Variants in PLEKHA7 observed in about 807,000 individuals in gnomAD.
The protein encoded by PLEKHA7 is pleckstrin homology domain containing A7, also known as pleckstrin homology domain-containing family A member 7.
Under a neutral mutation model 170.0 loss-of-function variants are expected in PLEKHA7, and 104 were observed. The ratio of observed to expected loss-of-function variants is 0.61; its 90% confidence interval spans 0.52 to 0.72. The LOEUF (loss-of-function observed/expected upper bound fraction) is 0.72. Ranked by LOEUF, PLEKHA7 falls within the 30% of genes least tolerant of loss-of-function variation. The probability of loss-of-function intolerance (pLI) is 0.00; values close to 1 mark genes in which losing one functional copy is unlikely to be tolerated. For synonymous variants in PLEKHA7, 648 were observed against 660.8 expected (o/e 0.98, Z 0.30); for missense variants, 1,615 against 1,671.7 (o/e 0.97, Z 0.59).
intron 3 of PLEKHA7, among the ~76,000 whole-genome samples, chr11:16,993,248 A>G (rs1402624586): frequency 6.6e-6 from 1 of 152,026 alleles, no homozygotes. Flanking sequence ...TAGGCCAAAA[A>G]GAAAAGTGAA....
chr11:16,836,314 C>T (rs1851508123), intron 9 of PLEKHA7, among the ~76,000 whole-genome samples: 1 of 152,196 alleles, frequency 6.6e-6, no homozygotes, highest in South Asian at 2.1e-4. Context: ...AGCCTTGAAC[C>T]CCATTGCTTC....
chr11:16,932,051 A>G (rs923936109), intron 3 of PLEKHA7, among the ~76,000 whole-genome samples: 40 of 152,080 alleles, frequency 2.6e-4, no homozygotes, highest in Non-Finnish European at 1.8e-4. Flanking sequence ...TATCACCTAT[A>G]AACTCCATGA....
Position 16,790,846 on chromosome 11 carries a change from G to A in PLEKHA7, c.3004C>T (p.Leu1002=), listed in dbSNP as rs1233278013. 1.9e-6 allele frequency: 3 copies of A among 1,610,014 alleles called. No homozygotes were observed. The highest frequency in any genetic ancestry group is 1.7e-6 in the Non-Finnish European group (2 of 1,178,398). The change falls in exon 21 of 27, where the codon CTA becomes TTA. Residue 1002 remains leucine (L), a synonymous_variant. Coordinates refer to ENST00000531066, the MANE Select transcript of PLEKHA7 (RefSeq NM_001329630.2). ...CTGCTCTCAGGGCCCACAAGTCCTA[G>A]GGAGGGCTGGGCCATGTCCCCGCTG... ...TLSGDMAQPS[L]GLVGPESRYQ...
intron 3 of PLEKHA7, among the ~76,000 whole-genome samples, chr11:16,966,290 ATGTGTGTGTGTGTGTG>A (rs112176840): frequency 1.3e-4 from 19 of 149,110 alleles, no homozygotes; most frequent in Non-Finnish European, 1.3e-4. Context: ...TTGTGCATGT[ATGTGTGTGTGTGTGTG>A]TGTGTGTGTG....
At chr11:16,780,950 T>C in intron 26 of PLEKHA7, 1 of 981,730 alleles carries the variant, frequency 1.0e-6, no homozygotes, top group Non-Finnish European at 1.2e-6. Context: ...ACTTGGAAGG[T>C]GTTAGACAAA....
At chr11:16,932,540 C>G (rs1256469233) in intron 3 of PLEKHA7, among the ~76,000 whole-genome samples, 1 of 152,160 alleles carries the variant, frequency 6.6e-6, no homozygotes, top group Non-Finnish European at 1.5e-5. Flanking sequence ...TTGCCTGGGC[C>G]TCCCAAAGTG....
At chr11:16,891,630 T>G (rs1239158976) in intron 3 of PLEKHA7, among the ~76,000 whole-genome samples, 1 of 152,202 alleles carries the variant, frequency 6.6e-6, no homozygotes, top group Non-Finnish European at 1.5e-5. Flanking sequence ...CAAGGGCCAC[T>G]AGGACCTTGG....
At chr11:16,914,246 C>A (rs1401046117) in intron 3 of PLEKHA7, among the ~76,000 whole-genome samples, 1 of 151,970 alleles carries the variant, frequency 6.6e-6, no homozygotes, top group Non-Finnish European at 1.5e-5. Context: ...TTTTTTCTTT[C>A]TTGATACTTT....
intron 3 of PLEKHA7, among the ~76,000 whole-genome samples, chr11:16,936,039 A>G (rs1860264316): frequency 6.6e-6 from 1 of 152,212 alleles, no homozygotes; most frequent in South Asian, 2.1e-4. Flanking sequence ...ACACTGAGCC[A>G]GGAGAACATC....
intron 3 of PLEKHA7, among the ~76,000 whole-genome samples, chr11:16,957,689 A>ATATTTTTCTTTTTTT (rs1420004461): frequency 8.5e-6 from 1 of 118,224 alleles, no homozygotes. Context: ...TACCTCAATA[A>ATATTTTTCTTTTTTT]TTTTTTTCTT....
chr11:16,786,433 G>C, intron 23 of PLEKHA7, 46 bp from the exon 24 acceptor site: 1 of 1,533,294 alleles, frequency 6.5e-7, no homozygotes, highest in Non-Finnish European at 8.7e-7. Flanking sequence ...CCTGATTGCT[G>C]AAAGAGCCCG....
At chr11:16,968,802 C>G (rs909513753) in intron 3 of PLEKHA7, among the ~76,000 whole-genome samples, 1 of 152,140 alleles carries the variant, frequency 6.6e-6, no homozygotes, top group Non-Finnish European at 1.5e-5. Context: ...TTTCACATCC[C>G]CCACTTAACA....
chr11:16,924,756 G>C (rs564707105), intron 3 of PLEKHA7, among the ~76,000 whole-genome samples: 7 of 152,156 alleles, frequency 4.6e-5, no homozygotes, highest in East Asian at 3.9e-4. Flanking sequence ...AAAAGAAAGG[G>C]GGAGGCCTGC....
chr11:16,829,029 G>A (rs535008753), intron 9 of PLEKHA7, among the ~76,000 whole-genome samples: 89 of 150,790 alleles, frequency 5.9e-4, no homozygotes, highest in African/African-American at 1.7e-3. Flanking sequence ...TTTTCACAGC[G>A]TCTTGCTCTC....
At chr11:16,971,756 C>A (rs137888559) in intron 3 of PLEKHA7, among the ~76,000 whole-genome samples, 1 of 151,864 alleles carries the variant, frequency 6.6e-6, no homozygotes, top group African/African-American at 2.4e-5. Flanking sequence ...TTTTAAATAT[C>A]TTTTTTTATT....
chr11:16,783,601 A>C, intron 25 of PLEKHA7, 99 bp downstream of exon 25: 1 of 1,280,682 alleles, frequency 7.8e-7, no homozygotes, highest in South Asian at 2.3e-5. Flanking sequence ...AAGACCTGGC[A>C]AAACACGCAC....
At chr11:16,797,301 TG>T (rs1249383454) in intron 17 of PLEKHA7, among the ~76,000 whole-genome samples, 6 of 152,084 alleles carry the variant, frequency 3.9e-5, no homozygotes, top group African/African-American at 1.4e-4. Flanking sequence ...TCCCACCCCA[TG>T]GACTAAAATA....
At chr11:16,797,272 G>C (rs74385585) in intron 17 of PLEKHA7, among the ~76,000 whole-genome samples, 4,277 of 152,144 alleles carry the variant, frequency 0.028, 86 homozygotes, top group Middle Eastern at 0.099. Flanking sequence ...AAGTTAAAAT[G>C]GGGGAAAGAT....
chr11:16,795,290 A>G (rs1203911784), intron 17 of PLEKHA7: 1 of 431,878 alleles, frequency 2.3e-6, no homozygotes, highest in East Asian at 4.4e-5. Flanking sequence ...ACACTGTGCC[A>G]TTCCGCTAAA....
Sources: gnomAD v4.1 joint callset for allele counts (sites outside exome capture counted in the v4.1 genomes callset) on GRCh38, gnomAD v4.1.1 for gene constraint, MANE v1.5 for transcripts, NCBI Gene and HGNC (gene_info 2026-07-23, HGNC 2026-07-21) for gene names.